ROBO2: variants seen among roughly 807,000 people sequenced by gnomAD.
ROBO2 encodes roundabout guidance receptor 2, also known as roundabout homolog 2.
Under a neutral mutation model 160.8 loss-of-function variants are expected in ROBO2, and 53 were observed. The observed-to-expected ratio is 0.33, with a 90% confidence interval of 0.26 to 0.41. The LOEUF (loss-of-function observed/expected upper bound fraction) is 0.41, where lower values mean the gene tolerates loss of function less well. Among genes scored for constraint, ROBO2 ranks in the 10% least tolerant of loss-of-function variants. The pLI, the probability that ROBO2 is intolerant of heterozygous loss-of-function variation, is 1.00. For synonymous variants in ROBO2, 664 were observed against 611.7 expected, an observed-to-expected ratio of 1.09 and a Z score of -1.26; for missense variants, 1,577 against 1,722.4, an observed-to-expected ratio of 0.92 and a Z score of 1.49.
chr3:76,148,615 A>C (rs1279754656), intron 2 of ROBO2, among the ~76,000 whole-genome samples: 1 of 152,052 alleles, frequency 6.6e-6, no homozygotes, highest in African/African-American at 2.4e-5. Flanking sequence ...AGTCATTAAG[A>C]ACCTCCATCT....
chr3:76,472,098 T>C (rs9850305), intron 2 of ROBO2, among the ~76,000 whole-genome samples: 205 of 110,296 alleles, frequency 1.9e-3, no homozygotes, highest in African/African-American at 4.8e-3. Flanking sequence ...TGTGTGTGTG[T>C]GTGCGCGTGT....
chr3:77,528,425 A>AT (rs77587946), intron 6 of ROBO2, among the ~76,000 whole-genome samples: 16,517 of 151,526 alleles, frequency 0.11, 1,166 homozygotes, highest in South Asian at 0.2. Context: ...AGACTCACAC[A>AT]TTTTTCCCCC....
In ROBO2 at chr3:76,725,898, G is replaced by A. The variant is rs140308692; in HGVS notation, c.110-372116G>A. On this transcript the variant is annotated intron_variant, in intron 2 of 26. Coordinates refer to the ROBO2 transcript ENST00000487694. ...TTGGAGTGTTCCCCATTTCTCCAAC[G>A]AATATTAATGTCTAACATCCTTTAA... Among the ~76,000 whole-genome samples, 195 of 152,214 alleles carry A rather than the reference G, an allele frequency of 1.3e-3. 2 individuals carry two copies. The highest frequency in any genetic ancestry group is 4.5e-3 in the African/African-American group (189 of 41,540).
intron 2 of ROBO2, among the ~76,000 whole-genome samples, chr3:76,544,292 A>G (rs983193383): frequency 6.6e-6 from 1 of 152,068 alleles, no homozygotes; most frequent in Non-Finnish European, 1.5e-5. Flanking sequence ...CCTAATGTCT[A>G]TGATCTTTAA....
At chr3:77,377,644 A>G (rs761925780) in intron 2 of ROBO2, among the ~76,000 whole-genome samples, 58 of 152,316 alleles carry the variant, frequency 3.8e-4, no homozygotes, top group Non-Finnish European at 7.8e-4. Flanking sequence ...TGAGACCTCG[A>G]TCCTTGGCAG....
At chr3:76,373,831 T>C (rs952162265) in intron 2 of ROBO2, among the ~76,000 whole-genome samples, 11 of 151,962 alleles carry the variant, frequency 7.2e-5, no homozygotes, top group African/African-American at 1.7e-4. Flanking sequence ...ACTAAGCTGA[T>C]CGTTGCTGGG....
chr3:77,495,765 G>A (rs1225018088), intron 5 of ROBO2, among the ~76,000 whole-genome samples: 1 of 152,126 alleles, frequency 6.6e-6, no homozygotes, highest in Non-Finnish European at 1.5e-5. Context: ...AACAGCACTG[G>A]CCACCCTGTT....
At chr3:76,961,188 A>G (rs563626833) in intron 2 of ROBO2, among the ~76,000 whole-genome samples, 1 of 150,636 alleles carries the variant, frequency 6.6e-6, no homozygotes, top group East Asian at 2.0e-4. Context: ...ACCCTGCTCA[A>G]TCAGAATTTC....
chr3:76,697,398 C>T (rs1269037834), intron 2 of ROBO2, among the ~76,000 whole-genome samples: 1 of 152,110 alleles, frequency 6.6e-6, no homozygotes, highest in African/African-American at 2.4e-5. Flanking sequence ...AGTTCCAGCA[C>T]TTCGAGAGTC....
chr3:76,813,804 T>A (rs775059803), intron 2 of ROBO2, among the ~76,000 whole-genome samples: 44 of 152,240 alleles, frequency 2.9e-4, no homozygotes, highest in Non-Finnish European at 4.9e-4. Flanking sequence ...AAAGGAGAAA[T>A]GCTTTAAGTT....
chr3:76,799,041 C>T (rs1009913533), intron 2 of ROBO2, among the ~76,000 whole-genome samples: 10 of 151,794 alleles, frequency 6.6e-5, no homozygotes, highest in Admixed American at 1.3e-4. Context: ...GGTGAAACCC[C>T]GTCTCTACTA....
chr3:77,510,641 A>G lies in ROBO2; in HGVS notation c.807-12134A>G, dbSNP rs2089277759. ...AAATGTATTGAGTCATTAAGTTCTT[A>G]TAACAGCCCTGTGAGATAGGGCCTG... On this transcript the variant is annotated intron_variant, in intron 5 of 25. Coordinates refer to ENST00000461745, the Ensembl canonical transcript of ROBO2. Among the ~76,000 whole-genome samples, 3 of 152,106 alleles carry G rather than the reference A, an allele frequency of 2.0e-5. No individual in the cohort carries two copies. In the South Asian group the frequency reaches 6.2e-4, roughly 32 times the overall value.
chr3:76,989,974 G>A (rs540388226), intron 2 of ROBO2, among the ~76,000 whole-genome samples: 1 of 152,120 alleles, frequency 6.6e-6, no homozygotes, highest in South Asian at 2.1e-4. Flanking sequence ...TAAACCTAGG[G>A]CTTTAATTCA....
chr3:75,928,508 C>A (rs1389126554), intron 1 of ROBO2, among the ~76,000 whole-genome samples: 1 of 152,120 alleles, frequency 6.6e-6, no homozygotes, highest in African/African-American at 2.4e-5. Flanking sequence ...AAGAATTAAG[C>A]CTCACAGGCA....
Position 77,364,773 on chromosome 3 carries a change from C to T in ROBO2, c.389-112641C>T, listed in dbSNP as rs929653579. Among the ~76,000 whole-genome samples, 3 of 152,136 alleles carry T rather than the reference C, an allele frequency of 2.0e-5. No individual in the cohort carries two copies. In the South Asian group the frequency reaches 6.2e-4, roughly 31 times the overall value. ...CATGGTGTTGAGAGGAAAACTTTCT[C>T]TGTCCCAACTTAGGTGTGTGTGATG... On this transcript the variant is annotated intron_variant, in intron 2 of 25. Coordinates refer to ENST00000461745, the Ensembl canonical transcript of ROBO2.
At chr3:76,640,410 A>C (rs1299420333) in intron 2 of ROBO2, among the ~76,000 whole-genome samples, 2 of 152,130 alleles carry the variant, frequency 1.3e-5, no homozygotes, top group African/African-American at 4.8e-5. Context: ...AGATGCCTGT[A>C]ATCCCAGCTA....
intron 2 of ROBO2, among the ~76,000 whole-genome samples, chr3:76,155,691 A>C (rs1370361246): frequency 6.6e-6 from 1 of 152,172 alleles, no homozygotes; most frequent in Non-Finnish European, 1.5e-5. Context: ...TCTTTAACTA[A>C]TTCATTAAGC....
chr3:76,242,182 A>G (rs1705327474), intron 2 of ROBO2, among the ~76,000 whole-genome samples: 1 of 152,148 alleles, frequency 6.6e-6, no homozygotes, highest in Admixed American at 6.6e-5. Flanking sequence ...TACATTATGA[A>G]GCTGCTTTCT....
In ROBO2 at chr3:76,077,251, A is replaced by C. The variant is rs905121075; in HGVS notation, c.109+139649A>C. On this transcript the variant is annotated intron_variant, in intron 2 of 26. Transcript: ENST00000487694. ...ATTGGGGAATTTGGAAATCTTACAT[A>C]AATTTCATAATGTTTTAAAATCTTA... Among the ~76,000 whole-genome samples, 4 of 152,326 alleles carry C rather than the reference A, an allele frequency of 2.6e-5. No individual in the cohort carries two copies. The East Asian group carries it at 7.7e-4, about 29-fold the overall frequency.
Sources: allele counts gnomAD v4.1 joint callset (sites outside exome capture counted in the v4.1 genomes callset), GRCh38; gene constraint gnomAD v4.1.1; transcripts MANE v1.5; gene names NCBI Gene and HGNC (gene_info 2026-07-23, HGNC 2026-07-21).